Variants in GPHN observed in about 807,000 individuals in gnomAD.
GPHN encodes the protein gephyrin.
GPHN carries 17 observed loss-of-function variants against 95.5 expected under a neutral mutation model. The observed-to-expected ratio is 0.18, with a 90% CI of 0.12 to 0.27. The LOEUF (loss-of-function observed/expected upper bound fraction) is 0.27, where lower values mean the gene tolerates loss of function less well. Ranked by LOEUF, GPHN falls within the 10% of genes least tolerant of loss-of-function variation. The pLI, the probability that GPHN is intolerant of heterozygous loss-of-function variation, is 1.00. For missense variants in GPHN, 660 were observed against 978.1 expected (o/e 0.67, Z 4.34); for synonymous variants, 320 against 322.5 (o/e 0.99, Z 0.08).
At chr14:67,245,093 G>T in the GPHN span, among the ~76,000 whole-genome samples, 1 of 152,194 alleles carries the variant, frequency 6.6e-6, no homozygotes, top group South Asian at 2.1e-4. Flanking sequence ...AAAGAAAGCA[G>T]CCCTGCCAGT....
At chr14:66,893,248 G>A (rs368305796) in intron 5 of GPHN, among the ~76,000 whole-genome samples, 58 of 152,296 alleles carry the variant, frequency 3.8e-4, no homozygotes, top group African/African-American at 8.4e-4. Flanking sequence ...CGTGAGTAAC[G>A]CAGAAGACAG....
intron 9 of GPHN, among the ~76,000 whole-genome samples, chr14:66,999,301 G>A (rs1302336404): frequency 6.6e-6 from 1 of 151,666 alleles, no homozygotes; most frequent in East Asian, 1.9e-4. Context: ...CGTTAGTAGT[G>A]TGTATTTTCA....
At chr14:67,730,508 G>A in the GPHN span, among the ~76,000 whole-genome samples, 6 of 152,126 alleles carry the variant, frequency 3.9e-5, no homozygotes, top group African/African-American at 9.7e-5. Context: ...AGAGTATTTC[G>A]GGTTTTAGAT....
intron 1 of GPHN, among the ~76,000 whole-genome samples, chr14:66,511,361 A>G (rs947040105): frequency 6.6e-6 from 1 of 152,114 alleles, no homozygotes; most frequent in Non-Finnish European, 1.5e-5. Context: ...GTAAATTATT[A>G]TTTGTGGCTC....
the GPHN span, among the ~76,000 whole-genome samples, chr14:67,466,770 A>ACC: frequency 6.6e-6 from 1 of 152,134 alleles, no homozygotes. Flanking sequence ...AGGCAGGTGG[A>ACC]TCACCTGAGG....
At chr14:66,650,184 G>T (rs968355124) in intron 1 of GPHN, among the ~76,000 whole-genome samples, 4 of 151,832 alleles carry the variant, frequency 2.6e-5, no homozygotes, top group African/African-American at 9.7e-5. Context: ...CATTCTCAGA[G>T]CCTGCTTTGT....
chr14:66,961,646 G>A (rs1326238737), intron 8 of GPHN, among the ~76,000 whole-genome samples: 2 of 151,160 alleles, frequency 1.3e-5, no homozygotes, highest in Non-Finnish European at 3.0e-5. Flanking sequence ...AAATGACTGA[G>A]GAATGTATGA....
At chr14:66,973,366 A>T (rs1206292624) in intron 9 of GPHN, among the ~76,000 whole-genome samples, 2 of 152,144 alleles carry the variant, frequency 1.3e-5, no homozygotes, top group Non-Finnish European at 2.9e-5. Flanking sequence ...TTCCCAGCTA[A>T]CTCCATTCAT....
intron 5 of GPHN, among the ~76,000 whole-genome samples, chr14:66,906,458 T>G (rs1321263007): frequency 1.3e-5 from 2 of 152,174 alleles, no homozygotes; most frequent in African/African-American, 4.8e-5. Flanking sequence ...GAGGAAAATT[T>G]TCTACATGCT....
intron 5 of GPHN, among the ~76,000 whole-genome samples, chr14:66,884,354 G>A (rs560706866): frequency 6.6e-6 from 1 of 152,048 alleles, no homozygotes; most frequent in Non-Finnish European, 1.5e-5. Context: ...ATAAACAATC[G>A]GTAGGAGAGA....
the GPHN span, among the ~76,000 whole-genome samples, chr14:67,464,026 C>T: frequency 6.6e-6 from 1 of 152,074 alleles, no homozygotes; most frequent in Non-Finnish European, 1.5e-5. Flanking sequence ...AGGCCCAGCT[C>T]ACAGAGGTTA....
At chr14:67,264,888 T>C in the GPHN span, among the ~76,000 whole-genome samples, 1 of 152,222 alleles carries the variant, frequency 6.6e-6, no homozygotes, top group Non-Finnish European at 1.5e-5. Context: ...TCTTCTAAGC[T>C]AATGATACTG....
chr14:67,584,827 A>G, the GPHN span, among the ~76,000 whole-genome samples: 12 of 152,152 alleles, frequency 7.9e-5, no homozygotes, highest in African/African-American at 2.7e-4. Context: ...TTTTTTCTCT[A>G]TGTATTTAAT....
the GPHN span, among the ~76,000 whole-genome samples, chr14:67,512,210 G>A: frequency 6.6e-6 from 1 of 152,096 alleles, no homozygotes; most frequent in Admixed American, 6.6e-5. Flanking sequence ...ACTCTCAGTG[G>A]GACTCAGTTT....
chr14:66,835,571 A>G (rs1290220506), intron 4 of GPHN, among the ~76,000 whole-genome samples: 1 of 151,810 alleles, frequency 6.6e-6, no homozygotes, highest in Admixed American at 6.6e-5. Flanking sequence ...CTCCTATTCA[A>G]CATAGTGTTG....
At chr14:67,347,557 A>C in the GPHN span, 1 of 987,484 alleles carries the variant, frequency 1.0e-6, no homozygotes, top group African/African-American at 1.7e-5. Context: ...GCTGGAATGC[A>C]ATGGCGTGAT....
chr14:66,791,781 G>A (rs1048400870), intron 3 of GPHN, among the ~76,000 whole-genome samples: 4 of 152,198 alleles, frequency 2.6e-5, no homozygotes, highest in African/African-American at 9.7e-5. Context: ...TTCATGACCT[G>A]TATCTTGTGC....
At chr14:67,193,237 GACATCTATCTA>G in the GPHN span, among the ~76,000 whole-genome samples, 1 of 122,702 alleles carries the variant, frequency 8.1e-6, no homozygotes, top group Non-Finnish European at 1.7e-5. Context: ...TCTCTATATA[GACATCTATCTA>G]TATATCTCTA....
At chr14:67,407,521 G>A in the GPHN span, among the ~76,000 whole-genome samples, 2 of 151,822 alleles carry the variant, frequency 1.3e-5, no homozygotes, top group Non-Finnish European at 2.9e-5. Context: ...GCTCACTGCA[G>A]CCTCAAACCC....
Sources: allele counts gnomAD v4.1 joint callset (sites outside exome capture counted in the v4.1 genomes callset), GRCh38; gene constraint gnomAD v4.1.1; transcripts MANE v1.5; gene names NCBI Gene and HGNC (gene_info 2026-07-23, HGNC 2026-07-21).